MACROD2: variants seen among roughly 807,000 people sequenced by gnomAD.
MACROD2 encodes the protein ADP-ribose glycohydrolase MACROD2.
MACROD2 carries 36 observed loss-of-function variants against 70.4 expected under a neutral mutation model. That is an observed-to-expected ratio of 0.51 (90% CI 0.39 to 0.68). The LOEUF (loss-of-function observed/expected upper bound fraction) is 0.68. Ranked by LOEUF, MACROD2 falls within the 30% of genes least tolerant of loss-of-function variation. The probability of loss-of-function intolerance (pLI) is 0.00; values close to 1 mark genes in which losing one functional copy is unlikely to be tolerated. For missense variants in MACROD2, 496 were observed against 538.4 expected (o/e 0.92, Z 0.78); for synonymous variants, 172 against 178.8 (o/e 0.96, Z 0.30).
intron 5 of MACROD2, among the ~76,000 whole-genome samples, chr20:14,855,349 A>G (rs1187671397): frequency 6.6e-6 from 1 of 152,164 alleles, no homozygotes; most frequent in Non-Finnish European, 1.5e-5. Context: ...TTAAAAAAAT[A>G]TGACCATATG....
intron 5 of MACROD2, among the ~76,000 whole-genome samples, chr20:14,815,683 CA>C (rs2072765874): frequency 6.6e-6 from 1 of 151,984 alleles, no homozygotes; most frequent in Non-Finnish European, 1.5e-5. Context: ...CACTCAAGCA[CA>C]AGCGATCAAT....
At chr20:16,004,446 A>G (rs750533875) in intron 15 of MACROD2, among the ~76,000 whole-genome samples, 1 of 152,210 alleles carries the variant, frequency 6.6e-6, no homozygotes, top group Non-Finnish European at 1.5e-5. Flanking sequence ...GTATGCTACT[A>G]AAGGGTCCTT....
intron 6 of MACROD2, among the ~76,000 whole-genome samples, chr20:15,381,953 T>G (rs1280762361): frequency 6.6e-6 from 1 of 152,134 alleles, no homozygotes; most frequent in African/African-American, 2.4e-5. Context: ...TCAGTATTAC[T>G]AAAGGGAATT....
chr20:15,371,555 T>C (rs1008511378), intron 6 of MACROD2, among the ~76,000 whole-genome samples: 5 of 152,144 alleles, frequency 3.3e-5, no homozygotes, highest in Admixed American at 6.6e-5. Context: ...CCCTCGGGGG[T>C]GAGGTTTGTG....
At chr20:15,032,351 G>A (rs2075282290) in intron 5 of MACROD2, among the ~76,000 whole-genome samples, 1 of 152,242 alleles carries the variant, frequency 6.6e-6, no homozygotes, top group Non-Finnish European at 1.5e-5. Context: ...ACGCTGCCCT[G>A]GCGCGCCTAC....
In MACROD2 at chr20:15,152,458, G is replaced by A. The variant is rs1476709908; in HGVS notation, c.419-77482G>A. On this transcript the variant is annotated intron_variant, in intron 5 of 17. Coordinates refer to ENST00000684519, the MANE Select transcript of MACROD2 (RefSeq NM_001351661.2). ...GGCACAGAGATAAGAGGTTGGGGGCGTGGAAATAAGGGATTGGGGCACAGA... is the reference window on the plus strand; with the variant it reads ...GGCACAGAGATAAGAGGTTGGGGGCATGGAAATAAGGGATTGGGGCACAGA... Among the ~76,000 whole-genome samples, 37 of 33,096 alleles carry A rather than the reference G, an allele frequency of 1.1e-3. 1 individual carries two copies. Among genetic ancestry groups the A allele is most frequent in the African/African-American group, 1.8e-3 (17 of 9,302 alleles). 21.7% of individuals were successfully genotyped at this position (33,096 alleles called of 152,430 possible). A position where few individuals can be genotyped will look rare whatever the true frequency, so the allele number is the denominator to read the frequency against.
intron 5 of MACROD2, among the ~76,000 whole-genome samples, chr20:14,953,845 T>G (rs2074495864): frequency 6.6e-6 from 1 of 152,162 alleles, no homozygotes; most frequent in South Asian, 2.1e-4. Context: ...TGAACTCTCT[T>G]GTCAGCCAAT....
intron 5 of MACROD2, among the ~76,000 whole-genome samples, chr20:15,020,470 T>C (rs972953176): frequency 3.9e-5 from 6 of 152,148 alleles, no homozygotes; most frequent in African/African-American, 7.2e-5. Context: ...CAAAAGAAGA[T>C]TCACCATATT....
intron 8 of MACROD2, among the ~76,000 whole-genome samples, chr20:15,699,804 C>A (rs889018658): frequency 6.6e-6 from 1 of 152,158 alleles, no homozygotes; most frequent in East Asian, 1.9e-4. Flanking sequence ...TTACAAAGTT[C>A]GACTAGAGAA....
chr20:15,174,885 A>G (rs2076448364), intron 5 of MACROD2, among the ~76,000 whole-genome samples: 2 of 151,798 alleles, frequency 1.3e-5, no homozygotes, highest in African/African-American at 4.8e-5. Flanking sequence ...GTTTGAGTTC[A>G]TTGTAGATTC....
At chr20:14,608,503 C>T (rs62202912) in intron 4 of MACROD2, among the ~76,000 whole-genome samples, 27,860 of 152,076 alleles carry the variant, frequency 0.18, 3,326 homozygotes, top group Non-Finnish European at 0.26. Context: ...TCAGGATAAG[C>T]CAGGCTAACA....
chr20:14,157,547 C>T (rs969771575), intron 3 of MACROD2, among the ~76,000 whole-genome samples: 2 of 152,038 alleles, frequency 1.3e-5, no homozygotes, highest in Admixed American at 6.6e-5. Flanking sequence ...CTTCATCCCC[C>T]CTCCCACCCA....
chr20:16,028,832 GA>G (rs2067115539), intron 15 of MACROD2, among the ~76,000 whole-genome samples: 1 of 152,106 alleles, frequency 6.6e-6, no homozygotes, highest in Non-Finnish European at 1.5e-5. Context: ...AGGCTATTTG[GA>G]AAAAACAGAC....
chr20:15,928,543 C>A (rs1438304693), intron 10 of MACROD2, among the ~76,000 whole-genome samples: 1 of 152,186 alleles, frequency 6.6e-6, no homozygotes, highest in Non-Finnish European at 1.5e-5. Context: ...TGAAACTGTC[C>A]CCTGCTGCCA....
At chr20:14,003,803 A>G in intron 2 of MACROD2, 1 of 380,112 alleles carries the variant, frequency 2.6e-6, no homozygotes, top group South Asian at 2.1e-5. Flanking sequence ...GGTCTGGTTA[A>G]GACATCATTG....
chr20:15,815,350 T>C (rs967418157), intron 8 of MACROD2, among the ~76,000 whole-genome samples: 9 of 152,122 alleles, frequency 5.9e-5, no homozygotes, highest in East Asian at 3.8e-4. Flanking sequence ...TTTTGTTATA[T>C]GCCCCAAGGC....
intron 3 of MACROD2, among the ~76,000 whole-genome samples, chr20:14,195,310 C>G (rs2081421132): frequency 6.6e-6 from 1 of 152,050 alleles, no homozygotes; most frequent in African/African-American, 2.4e-5. Flanking sequence ...GCCTTGTTTT[C>G]TCTTTCATTT....
chr20:14,752,949 G>A (rs921291559), intron 5 of MACROD2, among the ~76,000 whole-genome samples: 8 of 152,102 alleles, frequency 5.3e-5, no homozygotes, highest in Non-Finnish European at 1.2e-4. Context: ...AAAGTCTGCA[G>A]ATTAGGACCC....
chr20:14,888,175 A>C (rs190145117), intron 5 of MACROD2: 1 of 152,290 alleles, frequency 6.6e-6, no homozygotes, highest in African/African-American at 2.4e-5. Flanking sequence ...GCCTGAGTAC[A>C]CTGTGATGGC....
Sources: gnomAD v4.1 joint callset for allele counts (sites outside exome capture counted in the v4.1 genomes callset) on GRCh38, gnomAD v4.1.1 for gene constraint, MANE v1.5 for transcripts, NCBI Gene and HGNC (gene_info 2026-07-23, HGNC 2026-07-21) for gene names.